The following WDFY4 variants were observed in gnomAD, a reference collection of about 807,000 sequenced individuals.
The protein encoded by WDFY4 is WDFY family member 4.
Under a neutral mutation model 351.9 loss-of-function variants are expected in WDFY4, and 169 were observed. That is an observed-to-expected ratio of 0.48 (90% CI 0.42 to 0.55). The LOEUF (loss-of-function observed/expected upper bound fraction) is 0.55, where lower values mean the gene tolerates loss of function less well. WDFY4 is among the 20% of genes least tolerant of loss of function. WDFY4 has a pLI of 0.00. For missense variants in WDFY4, 3,803 were observed against 3,935.6 expected (o/e 0.97, Z 0.90); for synonymous variants, 1,622 against 1,574.6 (o/e 1.03, Z -0.71).
Position 48,763,150 on chromosome 10 carries a change from A to G in WDFY4, c.2553+2710A>G, listed in dbSNP as rs142232899. ...CAACATGGAGACTATTACACATTAG[A>G]CATCACCTCTGTGCCAGGAATGCTA... On this transcript the variant is annotated intron_variant, in intron 13 of 61. Transcript: ENST00000325239. Among the ~76,000 whole-genome samples the G allele has an allele frequency of 3.3e-5, 5 of 152,354 alleles. No individual in the cohort carries two copies. In the East Asian group the frequency reaches 7.7e-4, roughly 23 times the overall value.
chr10:48,849,593 G>A (rs985129397), intron 39 of WDFY4, among the ~76,000 whole-genome samples: 3 of 152,202 alleles, frequency 2.0e-5, no homozygotes, highest in African/African-American at 7.2e-5. Flanking sequence ...GTTCACAGTG[G>A]GGGTTAGGAT....
chr10:48,803,148 C>A, intron 24 of WDFY4, 138 bp from the exon 25 acceptor site: 1 of 810,554 alleles, frequency 1.2e-6, no homozygotes, highest in East Asian at 2.7e-5. Context: ...GACAGCTGAT[C>A]TGATTCCAGA....
intron 49 of WDFY4, among the ~76,000 whole-genome samples, chr10:48,944,411 G>T (rs1258791751): frequency 6.6e-6 from 1 of 152,254 alleles, no homozygotes; most frequent in African/African-American, 2.4e-5. Context: ...GGACCAGGGT[G>T]ATTTCTGTGC....
At chr10:48,691,316 C>G (rs116506978) in intron 1 of WDFY4, among the ~76,000 whole-genome samples, 1 of 152,258 alleles carries the variant, frequency 6.6e-6, no homozygotes, top group Middle Eastern at 3.4e-3. Flanking sequence ...CCTCCCAAGG[C>G]GCAGGAGCCC....
At chr10:48,975,159 C>A in intron 58 of WDFY4, 118 bp downstream of exon 58, 1 of 1,364,038 alleles carries the variant, frequency 7.3e-7, no homozygotes, top group Non-Finnish European at 1.0e-6. Flanking sequence ...CTGAGAGGGC[C>A]CCCAATTGTG....
At chr10:48,726,909 T>C (rs903812257) in intron 6 of WDFY4, among the ~76,000 whole-genome samples, 1 of 152,040 alleles carries the variant, frequency 6.6e-6, no homozygotes, top group Non-Finnish European at 1.5e-5. Flanking sequence ...ACTCAAATCT[T>C]CCCCTGGCTC....
chr10:48,759,104 T>A (rs1464184148), intron 12 of WDFY4, among the ~76,000 whole-genome samples: 2 of 152,116 alleles, frequency 1.3e-5, no homozygotes, highest in Admixed American at 6.6e-5. Context: ...TTTCTGCCCA[T>A]CTTCCCTGGA....
intron 9 of WDFY4, among the ~76,000 whole-genome samples, chr10:48,733,353 T>A (rs2132351420): frequency 6.6e-6 from 1 of 152,296 alleles, no homozygotes; most frequent in East Asian, 1.9e-4. Flanking sequence ...TTCCAATTTG[T>A]GTCAGGCACT....
At chr10:48,864,341 C>A (rs150296761) in intron 39 of WDFY4, among the ~76,000 whole-genome samples, 4 of 152,116 alleles carry the variant, frequency 2.6e-5, no homozygotes, top group South Asian at 2.1e-4. Context: ...AAAGACTATT[C>A]GTTCCCCATT....
At chr10:48,952,845 G>A (rs1376613542) in intron 51 of WDFY4, among the ~76,000 whole-genome samples, 2 of 152,218 alleles carry the variant, frequency 1.3e-5, no homozygotes, top group Non-Finnish European at 2.9e-5. Flanking sequence ...CCAACGCCAT[G>A]AGGGTCCTAT....
chr10:48,846,976 G>T (rs535297469), intron 39 of WDFY4, among the ~76,000 whole-genome samples: 5 of 152,288 alleles, frequency 3.3e-5, no homozygotes, highest in African/African-American at 9.6e-5. Flanking sequence ...TGTCAGTTTT[G>T]GGGTCCAGGT....
At chr10:48,796,167 C>T in intron 23 of WDFY4, 131 bp from the exon 24 acceptor site, 1 of 1,151,586 alleles carries the variant, frequency 8.7e-7, no homozygotes, top group Non-Finnish European at 1.2e-6. Context: ...TATTTTTCTT[C>T]TGAGAACATG....
intron 3 of WDFY4, among the ~76,000 whole-genome samples, chr10:48,720,982 T>A (rs1483954858): frequency 6.6e-6 from 1 of 152,204 alleles, no homozygotes; most frequent in Non-Finnish European, 1.5e-5. Flanking sequence ...GTGGGGAGTC[T>A]GATAGCCGAT....
At chr10:48,896,370 G>A (rs1425240019) in intron 44 of WDFY4, among the ~76,000 whole-genome samples, 1 of 152,182 alleles carries the variant, frequency 6.6e-6, no homozygotes, top group Non-Finnish European at 1.5e-5. Context: ...GGCCCCACTG[G>A]GAGTCAGAGA....
At chr10:48,915,940 T>C (rs1318158925) in intron 47 of WDFY4, among the ~76,000 whole-genome samples, 2 of 152,214 alleles carry the variant, frequency 1.3e-5, no homozygotes, top group Non-Finnish European at 2.9e-5. Flanking sequence ...CTGAACTGTC[T>C]ATATCATTCA....
intron 12 of WDFY4, among the ~76,000 whole-genome samples, chr10:48,749,135 G>T (rs1221871828): frequency 1.3e-5 from 2 of 152,098 alleles, no homozygotes; most frequent in African/African-American, 4.8e-5. Flanking sequence ...TTTTACAATG[G>T]ACTATTCTTC....
At chr10:48,726,998 G>A (rs1312916876) in intron 6 of WDFY4, among the ~76,000 whole-genome samples, 1 of 152,108 alleles carries the variant, frequency 6.6e-6, no homozygotes, top group Non-Finnish European at 1.5e-5. Context: ...TCCTCTCTGT[G>A]GGCCACACTT....
intron 31 of WDFY4, among the ~76,000 whole-genome samples, chr10:48,814,871 C>T (rs2067569522): frequency 1.3e-5 from 2 of 152,206 alleles, no homozygotes; most frequent in African/African-American, 4.8e-5. Flanking sequence ...TCGACCATAT[C>T]CTCACAGAGG....
chr10:48,929,983 T>G (rs957110204), intron 47 of WDFY4, among the ~76,000 whole-genome samples: 8 of 152,164 alleles, frequency 5.3e-5, no homozygotes, highest in African/African-American at 1.9e-4. Flanking sequence ...TTATGATGCA[T>G]TACTTGTTAT....
Sources: allele counts gnomAD v4.1 joint callset (sites outside exome capture counted in the v4.1 genomes callset), GRCh38; gene constraint gnomAD v4.1.1; transcripts MANE v1.5; gene names NCBI Gene and HGNC (gene_info 2026-07-23, HGNC 2026-07-21).